The following SRL variants were observed in gnomAD, a reference collection of about 807,000 sequenced individuals.
The protein encoded by SRL is sarcalumenin.
Under a neutral mutation model 39.5 loss-of-function variants are expected in SRL, and 23 were observed. The ratio of observed to expected loss-of-function variants is 0.58; its 90% CI spans 0.42 to 0.82. SRL has a LOEUF of 0.82. SRL is among the 40% of genes least tolerant of loss of function. The pLI, the probability that SRL is intolerant of heterozygous loss-of-function variation, is 0.00. For synonymous variants in SRL, 272 were observed against 237.4 expected, an observed-to-expected ratio of 1.15 and a Z score of -1.34; for missense variants, 592 against 607.8, an observed-to-expected ratio of 0.97 and a Z score of 0.27.
intron 4 of SRL, among the ~76,000 whole-genome samples, chr16:4,196,471 CTTTT>C (rs35980213): frequency 2.6e-4 from 32 of 123,730 alleles, no homozygotes; most frequent in Middle Eastern, 4.4e-3. Context: ...ATTTTGCCTT[CTTTT>C]TTTTTTTTTT....
intron 1 of SRL, among the ~76,000 whole-genome samples, chr16:4,224,637 G>A (rs2052567072): frequency 6.6e-6 from 1 of 152,034 alleles, no homozygotes; most frequent in Non-Finnish European, 1.5e-5. Flanking sequence ...CTTGAGCCCA[G>A]GAGACGGAGT....
chr16:4,211,318 G>C (rs915796571), intron 1 of SRL, among the ~76,000 whole-genome samples: 1 of 152,254 alleles, frequency 6.6e-6, no homozygotes, highest in African/African-American at 2.4e-5. Flanking sequence ...ACGTTGGGGG[G>C]GGTCTCCTAG....
intron 5 of SRL, among the ~76,000 whole-genome samples, chr16:4,193,846 A>T (rs914548518): frequency 6.6e-6 from 1 of 151,346 alleles, no homozygotes; most frequent in Non-Finnish European, 1.5e-5. Context: ...TCCAACGTGT[A>T]GTAGGGGTAC....
intron 1 of SRL, among the ~76,000 whole-genome samples, chr16:4,225,303 C>T (rs2052575389): frequency 6.6e-6 from 1 of 152,060 alleles, no homozygotes; most frequent in South Asian, 2.1e-4. Flanking sequence ...TAATAAAGAG[C>T]CGGGTGTGGT....
intron 1 of SRL, among the ~76,000 whole-genome samples, chr16:4,227,848 C>G (rs548833103): frequency 4.9e-4 from 74 of 152,314 alleles, no homozygotes; most frequent in Middle Eastern, 3.4e-3. Flanking sequence ...GTTGCAGGGC[C>G]TCCTCTTAAA....
chr16:4,197,695 G>A, intron 4 of SRL, 104 bp downstream of exon 4: 1 of 897,468 alleles, frequency 1.1e-6, no homozygotes, highest in East Asian at 2.4e-5. Context: ...CAATGTGCTG[G>A]GATTACAGGC....
chr16:4,220,259 G>A (rs1405030199), intron 1 of SRL, among the ~76,000 whole-genome samples: 3 of 127,624 alleles, frequency 2.4e-5, no homozygotes, highest in Non-Finnish European at 1.7e-5. Flanking sequence ...CCAACATAGC[G>A]AAAATCTGTC....
chr16:4,232,913 T>TG (rs1394241840), intron 1 of SRL, among the ~76,000 whole-genome samples: 1 of 152,076 alleles, frequency 6.6e-6, no homozygotes, highest in Non-Finnish European at 1.5e-5. Flanking sequence ...AATCCAGTGG[T>TG]GGGGGGAGGC....
chr16:4,231,058 C>T (rs1032882724), intron 1 of SRL, among the ~76,000 whole-genome samples: 4 of 152,160 alleles, frequency 2.6e-5, no homozygotes, highest in African/African-American at 9.7e-5. Flanking sequence ...TGGCTCACAC[C>T]TGTAATCCCA....
intron 1 of SRL, among the ~76,000 whole-genome samples, chr16:4,214,813 G>C (rs1235540931): frequency 6.6e-6 from 1 of 151,700 alleles, no homozygotes; most frequent in Non-Finnish European, 1.5e-5. Flanking sequence ...TGTCGCCCAG[G>C]GTGGAGTACA....
intron 1 of SRL, among the ~76,000 whole-genome samples, chr16:4,206,215 G>C (rs574307119): frequency 1.3e-5 from 2 of 152,146 alleles, no homozygotes; most frequent in African/African-American, 4.8e-5. Flanking sequence ...GTGGGCACTT[G>C]AGAGTCAACA....
chr16:4,204,062 T>C (rs947662723), intron 2 of SRL, among the ~76,000 whole-genome samples: 1 of 152,212 alleles, frequency 6.6e-6, no homozygotes, highest in African/African-American at 2.4e-5. Context: ...CGCCACCCTC[T>C]AGCCGTGGGC....
intron 1 of SRL, among the ~76,000 whole-genome samples, chr16:4,225,305 G>C (rs371459720): frequency 6.6e-6 from 1 of 152,062 alleles, no homozygotes; most frequent in Non-Finnish European, 1.5e-5. Context: ...ATAAAGAGCC[G>C]GGTGTGGTGG....
In SRL at chr16:4,198,620, T is replaced by A. The variant is rs189610603; in HGVS notation, c.260-705A>T. Among the ~76,000 whole-genome samples the A allele has an allele frequency of 1.8e-4, 26 of 141,648 alleles. No individual in the cohort carries two copies. The East Asian group carries it at 3.1e-3, about 17-fold the overall frequency. 92.9% of individuals were successfully genotyped at this position (141,648 alleles called of 152,430 possible). A position where few individuals can be genotyped will look rare whatever the true frequency, so the allele number is the denominator to read the frequency against. On this transcript the variant is annotated intron_variant, in intron 3 of 5. Coordinates refer to ENST00000399609, the MANE Select transcript of SRL (RefSeq NM_001098814.2). ...CCACTATGCCCAGCAAATTTAAAAA[T>A]TTTTTTTTGTAGAGATGGGGTCTTG...
At chr16:4,227,214 G>C (rs1371814974) in intron 1 of SRL, among the ~76,000 whole-genome samples, 7 of 148,118 alleles carry the variant, frequency 4.7e-5, no homozygotes, top group Admixed American at 1.3e-4. Context: ...GGGTGGATGG[G>C]TGGATGAGTG....
At chr16:4,238,831 G>A (rs966369383) in intron 1 of SRL, among the ~76,000 whole-genome samples, 1 of 151,164 alleles carries the variant, frequency 6.6e-6, no homozygotes, top group African/African-American at 2.4e-5. Context: ...ATGTTGTCCA[G>A]ACTGGTCTCA....
intron 1 of SRL, among the ~76,000 whole-genome samples, chr16:4,231,802 G>A (rs533950664): frequency 5.3e-5 from 8 of 152,240 alleles, no homozygotes; most frequent in East Asian, 1.9e-4. Context: ...TCAAGTTGCC[G>A]CATACTCACA....
At chr16:4,228,502 G>A (rs12149245) in intron 1 of SRL, among the ~76,000 whole-genome samples, 51,688 of 151,872 alleles carry the variant, frequency 0.34, 8,977 homozygotes, top group South Asian at 0.5. Context: ...TTGGGAGGCC[G>A]AGGCGGGCGG....
chr16:4,211,562 A>G lies in SRL; in HGVS notation c.62-6928T>C, dbSNP rs550058534. On this transcript the variant is annotated intron_variant, in intron 1 of 5. Coordinates refer to ENST00000399609, the MANE Select transcript of SRL (RefSeq NM_001098814.2). ...GGTGATGACCGTGCCGATGATGAGG[A>G]TCGTGATGATGATGATGATGGTGAT... Among the ~76,000 whole-genome samples the G allele has an allele frequency of 1.0e-4, 14 of 136,250 alleles. 1 individual carries two copies. Among genetic ancestry groups the G allele is most frequent in the Middle Eastern group, 8.2e-3 (2 of 244 alleles). 89.4% of individuals were successfully genotyped at this position (136,250 alleles called of 152,430 possible).
Sources: allele counts gnomAD v4.1 joint callset (sites outside exome capture counted in the v4.1 genomes callset), GRCh38; gene constraint gnomAD v4.1.1; transcripts MANE v1.5; gene names NCBI Gene and HGNC (gene_info 2026-07-23, HGNC 2026-07-21).